Variants in RPF2 observed in about 807,000 individuals in gnomAD.
RPF2 encodes ribosome production factor 2 homolog.
A neutral mutation model predicts 38.9 loss-of-function variants in RPF2; 21 were observed. The ratio of observed to expected loss-of-function variants is 0.54; its 90% confidence interval spans 0.38 to 0.78. The LOEUF (loss-of-function observed/expected upper bound fraction) is 0.78, where lower values mean the gene tolerates loss of function less well. RPF2 is among the 30% of genes least tolerant of loss of function. The pLI is 0.00. For missense variants in RPF2, 314 were observed against 358.1 expected, an observed-to-expected ratio of 0.88 and a Z score of 0.99; for synonymous variants, 121 against 126.2, an observed-to-expected ratio of 0.96 and a Z score of 0.28.
At chr6:111,009,303 C>G (rs1265931586) in intron 7 of RPF2, among the ~76,000 whole-genome samples, 2 of 152,160 alleles carry the variant, frequency 1.3e-5, no homozygotes, top group Admixed American at 6.5e-5. Flanking sequence ...ATCCACCCGC[C>G]TCGCCCTCCC....
chr6:110,983,489 A>AG (rs1771466855), intron 1 of RPF2, among the ~76,000 whole-genome samples: 1 of 152,068 alleles, frequency 6.6e-6, no homozygotes, highest in Non-Finnish European at 1.5e-5. Flanking sequence ...CTGGGACTAT[A>AG]GGCGCACACC....
In RPF2 at chr6:110,982,271, C is replaced by G. The variant is rs1037509235; in HGVS notation, c.23+142C>G. On this transcript the variant is annotated intron_variant, in intron 1 of 9. Transcript: ENST00000441448. ...GGCCGATCGATCACCAGCCCGGGTC[C>G]TCCTCAGCGCGAGCTGCTTGCCAGG... 29 of 891,828 alleles carry G rather than the reference C, an allele frequency of 3.3e-5. No individual in the cohort carries two copies. In the African/African-American group the frequency reaches 3.5e-4, roughly 11 times the overall value. 55.2% of individuals were successfully genotyped at this position (891,828 alleles called of 1,614,324 possible). A position where few individuals can be genotyped will look rare whatever the true frequency, so the allele number is the denominator to read the frequency against.
At chr6:111,008,993 G>T (rs1459858104) in intron 7 of RPF2, among the ~76,000 whole-genome samples, 4 of 148,422 alleles carry the variant, frequency 2.7e-5, no homozygotes, top group Non-Finnish European at 5.9e-5. Context: ...TCCACCTCCC[G>T]GGTTCAAGCG....
rs1772363796 is a variant in RPF2, at chr6:111,027,970, A to C, written c.*2388A>C. On this transcript the variant is annotated 3_prime_UTR_variant, in exon 10 of 10. Coordinates refer to ENST00000441448, the MANE Select transcript of RPF2 (RefSeq NM_032194.3). ...CACATAAATTGGAGACTATGTATTC[A>C]TTTCAATGGAGGTGGTAAATTGCCT... 1 of 152,184 alleles carries C rather than the reference A, an allele frequency of 6.6e-6. No homozygotes were observed. The highest frequency in any genetic ancestry group is 2.1e-4 in the South Asian group (1 of 4,830). The allele number at this position is 152,184 out of a possible 1,614,324, so 9.4% of individuals were successfully genotyped here.
intron 4 of RPF2, among the ~76,000 whole-genome samples, chr6:110,995,701 G>A (rs1000988315): frequency 2.0e-5 from 3 of 152,124 alleles, no homozygotes; most frequent in Non-Finnish European, 4.4e-5. Context: ...GAGACTACAG[G>A]CATAATGTAA....
intron 2 of RPF2, among the ~76,000 whole-genome samples, chr6:110,987,930 G>A (rs987371669): frequency 3.3e-5 from 5 of 152,052 alleles, no homozygotes; most frequent in African/African-American, 1.2e-4. Context: ...GGCTGAGGTG[G>A]GAGGATCACT....
chr6:110,982,368 T>C (rs1583254832), intron 1 of RPF2: 3 of 582,442 alleles, frequency 5.2e-6, no homozygotes, highest in South Asian at 2.0e-5. Context: ...TGGCCGCTTT[T>C]ATCCTAGCCA....
intron 8 of RPF2, among the ~76,000 whole-genome samples, chr6:111,020,071 C>A (rs908545105): frequency 3.3e-5 from 5 of 152,120 alleles, no homozygotes; most frequent in African/African-American, 1.2e-4. Context: ...CCCGCCACCA[C>A]GCCCGGCTAA....
chr6:110,985,119 C>G lies in RPF2; in HGVS notation c.137C>G (p.Thr46Arg), dbSNP rs778606068. Residue 46 changes from threonine to arginine, a missense_variant, in exon 2 of 10, where the codon ACA becomes AGA. By Grantham distance (71) the Thr-to-Arg change is moderately conservative. Transcript: ENST00000441448. ...IKGGNANATV[T>R]KVLKDVYALK... The stretch of plus-strand genomic sequence containing the variant: ...GGGGGAAATGCAAATGCAACAGTGA[C>G]AAAAGTACTTAAAGATGTGGTAAGT... 8 of 1,613,194 alleles carry G rather than the reference C, an allele frequency of 5.0e-6. No individual in the cohort carries two copies. The highest frequency in any genetic ancestry group is 1.7e-5 in the Admixed American group (1 of 59,912).
chr6:111,021,829 T>C (rs755941807), intron 8 of RPF2, among the ~76,000 whole-genome samples: 4 of 152,190 alleles, frequency 2.6e-5, no homozygotes, highest in African/African-American at 4.8e-5. Context: ...AATTTGAAAA[T>C]GGTAATATTT....
At chr6:110,997,328 C>G in intron 5 of RPF2, 64 bp downstream of exon 5, 1 of 954,002 alleles carries the variant, frequency 1.0e-6, no homozygotes, top group Non-Finnish European at 1.7e-6. Context: ...GCAGCGAATT[C>G]ATACGGGTCT....
At chr6:111,006,011 G>A (rs1246524233) in intron 6 of RPF2, among the ~76,000 whole-genome samples, 1 of 152,014 alleles carries the variant, frequency 6.6e-6, no homozygotes, top group Non-Finnish European at 1.5e-5. Flanking sequence ...TTACCATGTT[G>A]TCCAGGCTGG....
At chr6:111,000,882 A>G (rs1309909645) in intron 6 of RPF2, among the ~76,000 whole-genome samples, 3 of 152,212 alleles carry the variant, frequency 2.0e-5, no homozygotes, top group Admixed American at 6.5e-5. Context: ...TGTTGGTAAT[A>G]GAAGGTTATA....
intron 8 of RPF2, among the ~76,000 whole-genome samples, chr6:111,016,607 C>A (rs9372294): frequency 0.14 from 19,035 of 140,496 alleles, 1,844 homozygotes; most frequent in East Asian, 0.47. Context: ...AAACAAAAAA[C>A]AAAAAACTCT....
At chr6:110,992,602 T>C (rs1439565879) in intron 4 of RPF2, among the ~76,000 whole-genome samples, 1 of 152,072 alleles carries the variant, frequency 6.6e-6, no homozygotes. Context: ...CAAGGAACAC[T>C]ACCTGAATTA....
chr6:111,018,740 T>C (rs1331589807), intron 8 of RPF2, among the ~76,000 whole-genome samples: 2 of 152,186 alleles, frequency 1.3e-5, no homozygotes, highest in African/African-American at 2.4e-5. Flanking sequence ...AAATACCCAA[T>C]GATCATAAGA....
At position 110,982,136 on chromosome 6, in the gene RPF2, G is replaced by C. The variant is rs907291400; in HGVS notation, c.23+7G>C. The C allele has an allele frequency of 1.2e-6, 2 of 1,614,060 alleles. No homozygotes were observed. Among genetic ancestry groups the C allele is most frequent in the Non-Finnish European group, 1.7e-6 (2 of 1,180,012 alleles). The stretch of plus-strand genomic sequence containing the variant: ...ACACTCTGGATCGAGTAGTGTAAGT[G>C]CGCTGGGTCTCAGCCCCGGGGAGCG... On this transcript the variant is annotated splice_region_variant and intron_variant, in intron 1 of 9. Transcript: ENST00000441448.
intron 6 of RPF2, among the ~76,000 whole-genome samples, chr6:111,002,361 G>C (rs1270607904): frequency 1.3e-5 from 2 of 152,114 alleles, no homozygotes; most frequent in African/African-American, 4.8e-5. Flanking sequence ...GTTTTTTAGA[G>C]ACAAGGTCTC....
At chr6:110,984,556 T>C (rs1209698996) in intron 1 of RPF2, among the ~76,000 whole-genome samples, 1 of 152,092 alleles carries the variant, frequency 6.6e-6, no homozygotes, top group Non-Finnish European at 1.5e-5. Context: ...AAAGTGAGAT[T>C]TTGGCCGGCC....
Sources: allele counts gnomAD v4.1 joint callset (sites outside exome capture counted in the v4.1 genomes callset), GRCh38; gene constraint gnomAD v4.1.1; transcripts MANE v1.5; gene names NCBI Gene and HGNC (gene_info 2026-07-23, HGNC 2026-07-21).